Variants in RAP1GAP2 observed in about 807,000 individuals in gnomAD.
RAP1GAP2 encodes RAP1 GTPase activating protein 2, also known as rap1 GTPase-activating protein 2.
In RAP1GAP2, 27 loss-of-function variants were observed where a neutral mutation model predicts 95.0. The ratio of observed to expected loss-of-function variants is 0.28; its 90% CI spans 0.21 to 0.39. The LOEUF (loss-of-function observed/expected upper bound fraction) is 0.39. Ranked by LOEUF, RAP1GAP2 falls within the 10% of genes least tolerant of loss-of-function variation. RAP1GAP2 has a pLI of 1.00. For missense variants in RAP1GAP2, 771 were observed against 970.0 expected (o/e 0.79, Z 2.72); for synonymous variants, 373 against 380.9 (o/e 0.98, Z 0.24).
chr17:2,874,657 G>A (rs138757351), intron 2 of RAP1GAP2, among the ~76,000 whole-genome samples: 41 of 152,316 alleles, frequency 2.7e-4, no homozygotes, highest in African/African-American at 9.9e-4. Context: ...GATTCTGGAG[G>A]AAATGAGACG....
At chr17:2,756,032 C>T (rs1370744762) in intron 1 of RAP1GAP2, among the ~76,000 whole-genome samples, 1 of 152,126 alleles carries the variant, frequency 6.6e-6, no homozygotes, top group African/African-American at 2.4e-5. Flanking sequence ...GGGGGAACCC[C>T]GTCCCCCTCC....
intron 2 of RAP1GAP2, among the ~76,000 whole-genome samples, chr17:2,836,049 G>C (rs1052805932): frequency 7.9e-5 from 12 of 152,094 alleles, no homozygotes; most frequent in Non-Finnish European, 1.3e-4. Flanking sequence ...GTGTGTTGGT[G>C]CATCTGGGTG....
intron 3 of RAP1GAP2, among the ~76,000 whole-genome samples, chr17:2,932,891 G>T (rs1401083473): frequency 6.6e-6 from 1 of 151,056 alleles, no homozygotes; most frequent in Non-Finnish European, 1.5e-5. Context: ...GGTCTGTGAT[G>T]TGTTCCCTCT....
intron 14 of RAP1GAP2, among the ~76,000 whole-genome samples, chr17:2,998,881 G>A (rs1032574760): frequency 4.6e-5 from 7 of 152,180 alleles, no homozygotes; most frequent in Non-Finnish European, 4.4e-5. Flanking sequence ...TAAAGAAAGA[G>A]CGTGGAAAGG....
chr17:3,029,896 A>T lies in RAP1GAP2; in HGVS notation c.2108-1026A>T, dbSNP rs1380117664. ...CTTTACCATAAGTCCCATATGTCCA[A>T]CTGATTCTCACAGAATGCTTTTAGT... On this transcript the variant is annotated intron_variant, in intron 22 of 24. Coordinates refer to ENST00000254695, the MANE Select transcript of RAP1GAP2 (RefSeq NM_015085.5). The surrounding 1 kb of genome is among the most constrained non-coding windows in gnomAD (Gnocchi z 4.4). 6.6e-6 allele frequency among the ~76,000 whole-genome samples: 1 copy of T among 151,982 alleles called. No homozygotes were observed.
At chr17:2,942,910 G>A (rs2043550438) in intron 3 of RAP1GAP2, among the ~76,000 whole-genome samples, 1 of 152,040 alleles carries the variant, frequency 6.6e-6, no homozygotes, top group South Asian at 2.1e-4. Context: ...TGGGATGACA[G>A]GCACTCACCA....
intron 3 of RAP1GAP2, among the ~76,000 whole-genome samples, chr17:2,913,934 A>G (rs544521824): frequency 6.6e-6 from 1 of 151,330 alleles, no homozygotes; most frequent in Non-Finnish European, 1.5e-5. Context: ...GCAGTGACGC[A>G]ATCTCTGCTC....
intron 18 of RAP1GAP2, among the ~76,000 whole-genome samples, chr17:3,020,012 G>A (rs1345042008): frequency 6.6e-6 from 1 of 152,192 alleles, no homozygotes; most frequent in Admixed American, 6.5e-5. Flanking sequence ...ACGCCTGCGC[G>A]GCTCCATTTG....
intron 3 of RAP1GAP2, among the ~76,000 whole-genome samples, chr17:2,923,644 A>G (rs2151772860): frequency 7.2e-6 from 1 of 138,648 alleles, no homozygotes; most frequent in African/African-American, 2.8e-5. Context: ...GTTTTCTTAG[A>G]TAATTTTTAT....
chr17:3,032,559 C>A, intron 24 of RAP1GAP2, 110 bp downstream of exon 24: 1 of 1,060,094 alleles, frequency 9.4e-7, no homozygotes, highest in Non-Finnish European at 1.4e-6. Flanking sequence ...ATGCCGCCAG[C>A]TGGGGATGTC....
At chr17:2,959,375 G>A (rs67426172) in intron 4 of RAP1GAP2, among the ~76,000 whole-genome samples, 18,170 of 152,178 alleles carry the variant, frequency 0.12, 1,153 homozygotes, top group South Asian at 0.19. Context: ...TGCAATGGCT[G>A]ATCCCCCTGG....
intron 23 of RAP1GAP2, among the ~76,000 whole-genome samples, chr17:3,031,784 C>T (rs1442233809): frequency 6.7e-6 from 1 of 148,766 alleles, no homozygotes; most frequent in African/African-American, 2.5e-5. Context: ...GCTCCAGGTC[C>T]AGATGTGAGG....
At chr17:3,023,199 T>C (rs1180209438) in intron 19 of RAP1GAP2, among the ~76,000 whole-genome samples, 3 of 152,242 alleles carry the variant, frequency 2.0e-5, no homozygotes, top group African/African-American at 7.2e-5. Flanking sequence ...TGCATCTGTG[T>C]TTATCAGGAG....
At chr17:2,888,763 G>A (rs1257756558) in intron 2 of RAP1GAP2, among the ~76,000 whole-genome samples, 2 of 149,720 alleles carry the variant, frequency 1.3e-5, no homozygotes, top group African/African-American at 2.5e-5. Flanking sequence ...GTGATTCTCC[G>A]GCCTCAGCCT....
chr17:2,798,159 G>A (rs988387373), intron 1 of RAP1GAP2, among the ~76,000 whole-genome samples: 6 of 152,120 alleles, frequency 3.9e-5, no homozygotes, highest in African/African-American at 1.2e-4. Flanking sequence ...CTTCTCACTG[G>A]GGCTTCCTTA....
chr17:2,946,125 G>A (rs2043690038), intron 3 of RAP1GAP2, among the ~76,000 whole-genome samples: 1 of 152,150 alleles, frequency 6.6e-6, no homozygotes, highest in Non-Finnish European at 1.5e-5. Context: ...AACTGAGTTT[G>A]CATTCCTAGG....
intron 3 of RAP1GAP2, among the ~76,000 whole-genome samples, chr17:2,957,168 T>C (rs1036478409): frequency 6.7e-6 from 1 of 149,264 alleles, no homozygotes; most frequent in African/African-American, 2.5e-5. Flanking sequence ...TCTAGGCCCC[T>C]GGAGGCCTCG....
In RAP1GAP2 at chr17:2,871,675, T is replaced by C. The variant is rs1385914607; in HGVS notation, c.81-33609T>C. On this transcript the variant is annotated intron_variant, in intron 2 of 24. Transcript: ENST00000254695. This position sits in a 1 kb window ranked among gnomAD's most constrained non-coding sequence, Gnocchi z 5.0. ...TCATGCTGATTTCATTGGGGTTCAATTGGTACCATCCCATGGGCAGTACAG... is the reference window on the plus strand; with the variant it reads ...TCATGCTGATTTCATTGGGGTTCAACTGGTACCATCCCATGGGCAGTACAG... Among the ~76,000 whole-genome samples, 3 of 152,262 alleles carry C rather than the reference T, an allele frequency of 2.0e-5. No individual in the cohort carries two copies. The highest frequency in any genetic ancestry group is 2.1e-4 in the South Asian group (1 of 4,822).
intron 2 of RAP1GAP2, among the ~76,000 whole-genome samples, chr17:2,815,400 G>T (rs2069965442): frequency 6.6e-6 from 1 of 151,838 alleles, no homozygotes; most frequent in African/African-American, 2.4e-5. Flanking sequence ...GGTGAAATGG[G>T]AACAGAGTGC....
Sources: gnomAD v4.1 joint callset for allele counts (sites outside exome capture counted in the v4.1 genomes callset) on GRCh38, gnomAD v4.1.1 for gene constraint, Gnocchi (gnomAD v3.1) non-coding constraint, MANE v1.5 for transcripts, NCBI Gene and HGNC (gene_info 2026-07-23, HGNC 2026-07-21) for gene names.